The following PTPRS variants were observed in gnomAD, a reference collection of about 807,000 sequenced individuals.
The protein encoded by PTPRS is receptor-type tyrosine-protein phosphatase S.
In PTPRS, 63 loss-of-function variants were observed where a neutral mutation model predicts 215.3. The observed-to-expected ratio is 0.29, with a 90% CI of 0.24 to 0.36. The LOEUF (loss-of-function observed/expected upper bound fraction) is 0.36, where lower values mean the gene tolerates loss of function less well. PTPRS is among the 10% of genes least tolerant of loss of function. The pLI is 1.00. For missense variants in PTPRS, 2,258 were observed against 2,825.8 expected (o/e 0.80, Z 4.56); for synonymous variants, 1,404 against 1,191.4 (o/e 1.18, Z -3.68).
chr19:5,218,627 A>C (rs1568388874), intron 24 of PTPRS, 95 bp from the exon 25 acceptor site: 2 of 1,522,002 alleles, frequency 1.3e-6, no homozygotes, highest in Non-Finnish European at 1.8e-6. Context: ...TAAGAAAAGG[A>C]CCATGGACCC....
chr19:5,222,969 G>A lies in PTPRS; in HGVS notation c.2823C>T (p.Ala941=), dbSNP rs1334842284. 1.9e-6 allele frequency: 3 copies of A among 1,542,500 alleles called. No homozygotes were observed. In the Admixed American group the frequency reaches 5.8e-5, roughly 30 times the overall value. The part of the protein sequence containing the change: ...HPQILEAAGN[A]SAGTVLLRWL... ...AGCGGAGAAGGACGGTCCCGGCCGA[G>A]GCGTTGCCGGCCGCCTCCAGAATCT... Residue 941 remains alanine (A), a synonymous_variant, in exon 18 of 38, where the codon GCC becomes GCT. Transcript: ENST00000262963.
intron 1 of PTPRS, among the ~76,000 whole-genome samples, chr19:5,323,005 A>C (rs2050073645): frequency 1.3e-5 from 2 of 151,976 alleles, no homozygotes; most frequent in African/African-American, 4.8e-5. Flanking sequence ...CTGGAGCCCT[A>C]CTGTGTGCAG....
chr19:5,330,506 A>G (rs934947974), intron 1 of PTPRS, among the ~76,000 whole-genome samples: 5 of 152,050 alleles, frequency 3.3e-5, no homozygotes, highest in African/African-American at 4.8e-5. Context: ...TGAGGTTCCA[A>G]CCTCATCACC....
intron 2 of PTPRS, among the ~76,000 whole-genome samples, chr19:5,280,721 CCAAAA>C (rs916600041): frequency 3.9e-5 from 6 of 152,058 alleles, no homozygotes; most frequent in South Asian, 2.1e-4. Flanking sequence ...AACTCTGTCT[CCAAAA>C]CAAAACAAAA....
At chr19:5,269,539 G>T (rs1389394440) in intron 4 of PTPRS, among the ~76,000 whole-genome samples, 1 of 152,028 alleles carries the variant, frequency 6.6e-6, no homozygotes, top group Non-Finnish European at 1.5e-5. Context: ...GGGTGGGATC[G>T]GGTCAGGGTA....
chr19:5,267,685 G>C (rs1353195607), intron 4 of PTPRS, among the ~76,000 whole-genome samples: 3 of 149,030 alleles, frequency 2.0e-5, no homozygotes, highest in Admixed American at 2.0e-4. Context: ...TTAGGAAACA[G>C]CCACGTAGGG....
intron 1 of PTPRS, among the ~76,000 whole-genome samples, chr19:5,289,809 G>A (rs887456346): frequency 2.0e-5 from 3 of 152,212 alleles, no homozygotes; most frequent in Non-Finnish European, 4.4e-5. Context: ...GTCCTAGGAG[G>A]GAGAGGGGGA....
At chr19:5,267,249 G>T (rs2046473343) in intron 4 of PTPRS, among the ~76,000 whole-genome samples, 1 of 152,116 alleles carries the variant, frequency 6.6e-6, no homozygotes, top group African/African-American at 2.4e-5. Flanking sequence ...AGAAACTCAG[G>T]TCCCTGGAAT....
At chr19:5,307,744 C>T (rs1215542150) in intron 1 of PTPRS, among the ~76,000 whole-genome samples, 4 of 152,222 alleles carry the variant, frequency 2.6e-5, no homozygotes, top group Non-Finnish European at 5.9e-5. Context: ...ACATTTCAAA[C>T]GCTCAATAGC....
In PTPRS at chr19:5,211,767, C is replaced by T. The variant is rs370553812; in HGVS notation, c.5057G>A (p.Arg1686Gln). ...HVTGMELEFK[R>Q]LANSKAHTSR... ...CGTGTGGGCCTTGGAGTTAGCCAGC[C>T]GCTGTGGGGAGGAGGAAGCCAGAGG... is the stretch of plus-strand genomic sequence containing the variant. The change falls in exon 33 of 38, where the codon CGG becomes CAG. Residue 1686 changes from arginine (R) to glutamine (Q), a missense_variant and splice_region_variant. Arg to Gln is a conservative substitution (Grantham distance 43). This residue lies in a region of PTPRS where 927 missense variants were observed against 1,125.9 expected (regional missense o/e 0.82). Coordinates refer to ENST00000262963, the MANE Select transcript of PTPRS (RefSeq NM_002850.4). 32 of 1,610,046 alleles carry T rather than the reference C, an allele frequency of 2.0e-5. No homozygotes were observed. The highest frequency in any genetic ancestry group is 8.3e-5 in the Admixed American group (5 of 59,914).
intron 1 of PTPRS, among the ~76,000 whole-genome samples, chr19:5,336,012 AGGAGG>A (rs1277070281): frequency 1.4e-5 from 2 of 147,978 alleles, no homozygotes; most frequent in Admixed American, 1.3e-4. Context: ...GAGGAGGAGG[AGGAGG>A]AAAAAAAAAA....
At chr19:5,261,356 A>C (rs2045978214) in intron 6 of PTPRS, among the ~76,000 whole-genome samples, 1 of 152,130 alleles carries the variant, frequency 6.6e-6, no homozygotes, top group Non-Finnish European at 1.5e-5. Context: ...CAGCCAAGGA[A>C]GGGTGTCACA....
Position 5,257,089 on chromosome 19 carries a change from GGGA to G in PTPRS, c.706+925_706+927del, listed in dbSNP as rs1268523789. Among the ~76,000 whole-genome samples the G allele has an allele frequency of 1.3e-5, 2 of 150,786 alleles. No individual in the cohort carries two copies. The highest frequency in any genetic ancestry group is 4.3e-4 in the South Asian group (2 of 4,692). On this transcript the variant is annotated intron_variant, in intron 8 of 37. Transcript: ENST00000262963. This position sits in a 1 kb window ranked among gnomAD's most constrained non-coding sequence, Gnocchi z 4.4. ...CAGAAACAGCGACTAGGAGGTGAAAGGGAGGAGGAGGAGGAAGACTACAACTTC... is the reference window on the plus strand; with the variant it reads ...CAGAAACAGCGACTAGGAGGTGAAAGGGAGGAGGAGGAAGACTACAACTTC...
chr19:5,287,659 A>G lies in PTPRS; in HGVS notation c.-94-1425T>C, dbSNP rs1283359115. Among the ~76,000 whole-genome samples, 1 of 152,052 alleles carries G rather than the reference A, an allele frequency of 6.6e-6. No homozygotes were observed. The highest frequency in any genetic ancestry group is 1.9e-4 in the East Asian group (1 of 5,170). The stretch of plus-strand genomic sequence containing the variant: ...CCCCTGTGATTCTGACTCCCAAAAT[A>G]CCCAGCTGCGGTCACCTCGCCCAGC... On this transcript the variant is annotated intron_variant, in intron 1 of 37. Transcript: ENST00000262963. The surrounding 1 kb of genome is among the most constrained non-coding windows in gnomAD (Gnocchi z 4.8).
At chr19:5,230,568 G>A (rs577800433) in intron 14 of PTPRS, among the ~76,000 whole-genome samples, 2 of 152,194 alleles carry the variant, frequency 1.3e-5, no homozygotes, top group Middle Eastern at 3.4e-3. Context: ...AGCAATCCCC[G>A]CACCTCAGCG....
At chr19:5,214,081 C>A (rs1187812628) in intron 30 of PTPRS, among the ~76,000 whole-genome samples, 1 of 152,128 alleles carries the variant, frequency 6.6e-6, no homozygotes, top group Non-Finnish European at 1.5e-5. Context: ...GCAAAGAGGA[C>A]CTGGGGCATG....
chr19:5,236,629 C>T (rs1335951036), intron 13 of PTPRS, among the ~76,000 whole-genome samples: 1 of 152,160 alleles, frequency 6.6e-6, no homozygotes, highest in Admixed American at 6.5e-5. Context: ...ATCTGAAACC[C>T]AGAGACGAAT....
intron 1 of PTPRS, among the ~76,000 whole-genome samples, chr19:5,324,179 A>G (rs532989189): frequency 1.4e-5 from 2 of 143,388 alleles, no homozygotes; most frequent in East Asian, 4.2e-4. Flanking sequence ...GTGAGCCAAG[A>G]TTATGCCACT....
chr19:5,305,767 T>TATATATATATATATATATATATA (rs1450959995), intron 1 of PTPRS, among the ~76,000 whole-genome samples: 1 of 89,748 alleles, frequency 1.1e-5, no homozygotes, highest in African/African-American at 5.9e-5. Flanking sequence ...ATATATATAT[T>TATATATATATATATATATATATA]TTTTTTTTAA....
Sources: allele counts gnomAD v4.1 joint callset (sites outside exome capture counted in the v4.1 genomes callset), GRCh38; gene constraint gnomAD v4.1.1; regional missense constraint gnomAD v4.1.1; non-coding constraint Gnocchi (gnomAD v3.1); transcripts MANE v1.5; gene names NCBI Gene and HGNC (gene_info 2026-07-23, HGNC 2026-07-21).